The following PLPP4 variants were observed in gnomAD, a reference collection of about 807,000 sequenced individuals.
The protein encoded by PLPP4 is diacylglycerol pyrophosphate like 2.
A neutral mutation model predicts 32.2 loss-of-function variants in PLPP4; 20 were observed. The ratio of observed to expected loss-of-function variants is 0.62; its 90% CI spans 0.44 to 0.90. The LOEUF (loss-of-function observed/expected upper bound fraction) is 0.90, where lower values mean the gene tolerates loss of function less well. Ranked by LOEUF, PLPP4 falls within the 40% of genes least tolerant of loss-of-function variation. The probability of loss-of-function intolerance (pLI) is 0.00; values close to 1 mark genes in which losing one functional copy is unlikely to be tolerated. For missense variants in PLPP4, 257 were observed against 353.1 expected (o/e 0.73, Z 2.18); for synonymous variants, 127 against 133.0 (o/e 0.95, Z 0.31).
chr10:120,487,022 C>A (rs141792912), intron 1 of PLPP4, among the ~76,000 whole-genome samples: 35 of 152,338 alleles, frequency 2.3e-4, no homozygotes, highest in African/African-American at 7.2e-4. Flanking sequence ...CAAGTAATTG[C>A]AGAATGAGAT....
chr10:120,568,971 G>T (rs2134034242), intron 5 of PLPP4, among the ~76,000 whole-genome samples: 1 of 152,290 alleles, frequency 6.6e-6, no homozygotes, highest in East Asian at 1.9e-4. Flanking sequence ...AGGTGCGGTG[G>T]CTCACGACTG....
chr10:120,574,707 C>G (rs989175398), intron 5 of PLPP4, among the ~76,000 whole-genome samples: 3 of 152,158 alleles, frequency 2.0e-5, no homozygotes, highest in Non-Finnish European at 4.4e-5. Context: ...GTCCTTTGCT[C>G]TGTATGTACT....
rs1345055447 is a variant in PLPP4 at position 120,520,971 on chromosome 10, A to C, written c.321A>C (p.Arg107Ser). The C allele has an allele frequency of 1.2e-6, 2 of 1,613,632 alleles. No homozygotes were observed. Among genetic ancestry groups the C allele is most frequent in the Middle Eastern group, 1.7e-4 (1 of 6,054 alleles). Residue 107 changes from arginine (R) to serine (S), a missense_variant and splice_region_variant, in exon 5 of 7, where the codon AGA (arginine) becomes AGC (serine). Coordinates refer to ENST00000398250, the MANE Select transcript of PLPP4 (RefSeq NM_001030059.3). ...AAAATGTCCATGGTGTCTTTTGTAG[A>C]CCTCGCCCCGATTTCTTTTACCGCT... ...CTNTIKLIVGRPRPDFFYRCF... is the reference protein window; with the variant it reads ...CTNTIKLIVGSPRPDFFYRCF...
At chr10:120,486,802 A>G (rs977481812) in intron 1 of PLPP4, among the ~76,000 whole-genome samples, 4 of 152,158 alleles carry the variant, frequency 2.6e-5, no homozygotes, top group African/African-American at 4.8e-5. Flanking sequence ...TTCCAAGGGA[A>G]TGGTGTGACG....
At chr10:120,545,222 G>T (rs1423384268) in intron 5 of PLPP4, among the ~76,000 whole-genome samples, 1 of 152,196 alleles carries the variant, frequency 6.6e-6, no homozygotes, top group Non-Finnish European at 1.5e-5. Flanking sequence ...CCCTTTCCTG[G>T]TCCTTCAGGA....
Position 120,589,995 on chromosome 10 carries a change from A to G in PLPP4, c.*493A>G, listed in dbSNP as rs1184280151. The G allele has an allele frequency of 6.5e-6, 1 of 152,922 alleles. No individual in the cohort carries two copies. The highest frequency in any genetic ancestry group is 6.5e-5 in the Admixed American group (1 of 15,318). 9.5% of individuals were successfully genotyped at this position (152,922 alleles called of 1,614,324 possible). On this transcript the variant is annotated 3_prime_UTR_variant, in exon 7 of 7. Coordinates refer to ENST00000398250, the MANE Select transcript of PLPP4 (RefSeq NM_001030059.3). ...AACCTTTCTGAGCCATCAGCTTCTC[A>G]TAGCCCACGTCTCTAAAATAGATTT...
intron 6 of PLPP4, among the ~76,000 whole-genome samples, chr10:120,584,727 A>G (rs1849672097): frequency 6.6e-6 from 1 of 152,232 alleles, no homozygotes; most frequent in Non-Finnish European, 1.5e-5. Context: ...AAGCTCCTTC[A>G]TAAAGTAAGT....
At position 120,589,298 on chromosome 10, in the gene PLPP4, C is replaced by A. The variant is rs772290515; in HGVS notation, c.617-5C>A. 4 of 1,613,984 alleles carry A rather than the reference C, an allele frequency of 2.5e-6. No homozygotes were observed. The South Asian group carries it at 3.3e-5, about 13-fold the overall frequency. ...ATTTTTCCTGCTCTGCTGTTTCCTG[C>A]CTAGATTCCTTTGTGGGTGGAGTCA... On this transcript the variant is annotated splice_region_variant and splice_polypyrimidine_tract_variant and intron_variant, in intron 6 of 6. Transcript: ENST00000398250.
intron 5 of PLPP4, among the ~76,000 whole-genome samples, chr10:120,523,490 T>C (rs1278042719): frequency 1.3e-5 from 2 of 152,138 alleles, no homozygotes; most frequent in African/African-American, 4.8e-5. Flanking sequence ...TCTGTATTGA[T>C]TTTTTGTCTC....
intron 1 of PLPP4, among the ~76,000 whole-genome samples, chr10:120,475,577 G>A (rs796848547): frequency 1.4e-4 from 21 of 152,334 alleles, no homozygotes; most frequent in African/African-American, 5.0e-4. Flanking sequence ...TCATACTTCT[G>A]TGGGATGCAT....
intron 6 of PLPP4, among the ~76,000 whole-genome samples, chr10:120,580,669 A>ACACACG (rs1849459225): frequency 6.9e-6 from 1 of 145,932 alleles, no homozygotes; most frequent in Non-Finnish European, 1.5e-5. Flanking sequence ...ACACACACAC[A>ACACACG]CACACACACA....
At chr10:120,552,187 T>TGTGTGTGTGTGTGTGTGC (rs1847937405) in intron 5 of PLPP4, among the ~76,000 whole-genome samples, 1 of 151,022 alleles carries the variant, frequency 6.6e-6, no homozygotes, top group South Asian at 2.1e-4. Flanking sequence ...TGTGTGTGTG[T>TGTGTGTGTGTGTGTGTGC]GTGTGTGTGT....
intron 5 of PLPP4, among the ~76,000 whole-genome samples, chr10:120,537,211 A>G (rs1418633550): frequency 6.6e-6 from 1 of 152,230 alleles, no homozygotes; most frequent in Non-Finnish European, 1.5e-5. Context: ...AGGAAATGAA[A>G]TCAGTATGTC....
At chr10:120,546,375 G>A (rs764211570) in intron 5 of PLPP4, among the ~76,000 whole-genome samples, 25 of 151,996 alleles carry the variant, frequency 1.6e-4, no homozygotes, top group Non-Finnish European at 3.1e-4. Flanking sequence ...TCACACAGTG[G>A]CACCAGAAGT....
rs985916832 is a variant in PLPP4 at position 120,518,738 on chromosome 10, T to G, written c.257-95T>G. 4.0e-6 allele frequency: 4 copies of G among 1,008,168 alleles called. No homozygotes were observed. In the Middle Eastern group the frequency reaches 7.4e-4, roughly 187 times the overall value. The allele number at this position is 1,008,168 out of a possible 1,614,324, so 62.5% of individuals were successfully genotyped here. A position where few individuals can be genotyped will look rare whatever the true frequency, so the allele number is the denominator to read the frequency against. ...ATATTTCTCTGGTCATTAAATAGTA[T>G]TATAATGTAACAGTGATGATGATGA... On this transcript the variant is annotated intron_variant, in intron 3 of 6. Transcript: ENST00000398250.
intron 2 of PLPP4, among the ~76,000 whole-genome samples, chr10:120,508,609 A>G (rs2133878507): frequency 1.3e-5 from 2 of 152,260 alleles, no homozygotes; most frequent in Middle Eastern, 3.4e-3. Flanking sequence ...ATGGTGCCTT[A>G]CATCAGCAGG....
At chr10:120,578,271 G>A (rs1010322596) in intron 6 of PLPP4, among the ~76,000 whole-genome samples, 1 of 152,252 alleles carries the variant, frequency 6.6e-6, no homozygotes, top group Non-Finnish European at 1.5e-5. Flanking sequence ...GGGATGCAGA[G>A]TGAGGTCTTC....
At chr10:120,485,277 C>T (rs1844393479) in intron 1 of PLPP4, among the ~76,000 whole-genome samples, 1 of 152,234 alleles carries the variant, frequency 6.6e-6, no homozygotes, top group Non-Finnish European at 1.5e-5. Flanking sequence ...GCCTTATTCA[C>T]TCTGGGTCCA....
chr10:120,488,467 A>G (rs1425696897), intron 1 of PLPP4, among the ~76,000 whole-genome samples: 2 of 152,232 alleles, frequency 1.3e-5, no homozygotes, highest in Non-Finnish European at 2.9e-5. Flanking sequence ...TAGGAAGGAT[A>G]TTTCAGAATT....
Sources: gnomAD v4.1 joint callset for allele counts (sites outside exome capture counted in the v4.1 genomes callset) on GRCh38, gnomAD v4.1.1 for gene constraint, MANE v1.5 for transcripts, NCBI Gene and HGNC (gene_info 2026-07-23, HGNC 2026-07-21) for gene names.